The following ASIC2 variants were observed in gnomAD, a reference collection of about 807,000 sequenced individuals.
The protein encoded by ASIC2 is acid-sensing ion channel 2.
A neutral mutation model predicts 57.3 loss-of-function variants in ASIC2; 25 were observed. That is an observed-to-expected ratio of 0.44 (90% CI 0.32 to 0.61). The LOEUF (loss-of-function observed/expected upper bound fraction) is 0.61, where lower values mean the gene tolerates loss of function less well. Ranked by LOEUF, ASIC2 falls within the 20% of genes least tolerant of loss-of-function variation. ASIC2 has a pLI of 0.06. For synonymous variants in ASIC2, 319 were observed against 307.5 expected (o/e 1.04, Z -0.39); for missense variants, 641 against 738.1 (o/e 0.87, Z 1.52).
At chr17:33,495,515 A>G (rs1254858470) in intron 1 of ASIC2, among the ~76,000 whole-genome samples, 4 of 152,072 alleles carry the variant, frequency 2.6e-5, no homozygotes, top group Admixed American at 2.6e-4. Context: ...CCTTCACCCC[A>G]TCTGGCAGTA....
rs570692229 is a variant in ASIC2 at position 34,055,297 on chromosome 17, G to A, written c.555+100681C>T. Among the ~76,000 whole-genome samples, 60 of 152,102 alleles carry A rather than the reference G, an allele frequency of 3.9e-4. 1 individual carries two copies. Among genetic ancestry groups the A allele is most frequent in the African/African-American group, 3.6e-4 (15 of 41,506 alleles). ...TACAAAGTAATCCAAATAATATAAC[G>A]AACCTTCATGTGTCCATCACCCAGA... On this transcript the variant is annotated intron_variant, in intron 1 of 9. Coordinates refer to the ASIC2 transcript ENST00000359872.
intron 1 of ASIC2, among the ~76,000 whole-genome samples, chr17:33,304,800 C>T (rs1298819963): frequency 2.0e-5 from 3 of 152,074 alleles, no homozygotes; most frequent in African/African-American, 7.2e-5. Context: ...GTGGTGTTCC[C>T]TTGTGTCCTT....
chr17:33,874,370 A>G (rs1914500493), intron 1 of ASIC2, among the ~76,000 whole-genome samples: 2 of 152,262 alleles, frequency 1.3e-5, no homozygotes, highest in South Asian at 2.1e-4. Flanking sequence ...TATTTTTAGT[A>G]TAAGTATGTC....
chr17:34,120,722 C>CTTTTTTTTTTTTTTTTT (rs142959293), intron 1 of ASIC2, among the ~76,000 whole-genome samples: 2 of 94,626 alleles, frequency 2.1e-5, no homozygotes, highest in Non-Finnish European at 2.0e-5. Flanking sequence ...TGGGGTCCTT[C>CTTTTTTTTTTTTTTTTT]TTTTTTTTTT....
intron 2 of ASIC2, among the ~76,000 whole-genome samples, chr17:33,098,784 T>G (rs899826511): frequency 6.6e-6 from 1 of 152,182 alleles, no homozygotes; most frequent in East Asian, 1.9e-4. Flanking sequence ...GAACACTAGC[T>G]CTGTGTGGAA....
chr17:33,101,509 A>G (rs1207108771), intron 2 of ASIC2, among the ~76,000 whole-genome samples: 2 of 152,110 alleles, frequency 1.3e-5, no homozygotes, highest in Non-Finnish European at 2.9e-5. Flanking sequence ...ATTTACTTTC[A>G]TATTTCCATG....
Position 33,648,658 on chromosome 17 carries a change from G to A in ASIC2, c.555+507320C>T, listed in dbSNP as rs543587584. 5.3e-5 allele frequency among the ~76,000 whole-genome samples: 8 copies of A among 152,320 alleles called. No individual in the cohort carries two copies. The East Asian group carries it at 1.4e-3, about 26-fold the overall frequency. On this transcript the variant is annotated intron_variant, in intron 1 of 9. Transcript: ENST00000359872. Reference sequence around the variant, plus strand: ...TTGTGTCAAATACAATGGGGGCTGTGCCTCTGAGGTTGCAATGTGGGGGAC... The same window carrying A: ...TTGTGTCAAATACAATGGGGGCTGTACCTCTGAGGTTGCAATGTGGGGGAC...
chr17:33,066,657 C>A (rs2092044794), intron 3 of ASIC2, among the ~76,000 whole-genome samples: 1 of 152,140 alleles, frequency 6.6e-6, no homozygotes, highest in Non-Finnish European at 1.5e-5. Context: ...AGTGACTTTA[C>A]CAAGGCCACA....
At chr17:33,056,180 C>G (rs2091997280) in intron 3 of ASIC2, among the ~76,000 whole-genome samples, 1 of 152,174 alleles carries the variant, frequency 6.6e-6, no homozygotes, top group African/African-American at 2.4e-5. Flanking sequence ...TCTGGGGTAT[C>G]TTTGGATTCC....
In ASIC2 at chr17:33,911,479, A is replaced by G. The variant is rs1232233204; in HGVS notation, c.555+244499T>C. On this transcript the variant is annotated intron_variant, in intron 1 of 9. Coordinates refer to the ASIC2 transcript ENST00000359872. ...CTCTGACTGTTACCCCAGTGTTCCAAGAATCAGACTGAAGTAGGCAGGGGA... is the reference window on the plus strand; with the variant it reads ...CTCTGACTGTTACCCCAGTGTTCCAGGAATCAGACTGAAGTAGGCAGGGGA... Among the ~76,000 whole-genome samples, 3 of 152,206 alleles carry G rather than the reference A, an allele frequency of 2.0e-5. No individual in the cohort carries two copies. In the East Asian group the frequency reaches 5.8e-4, roughly 29 times the overall value.
At chr17:33,790,198 A>G (rs151319790) in intron 1 of ASIC2, among the ~76,000 whole-genome samples, 2,235 of 152,314 alleles carry the variant, frequency 0.015, 24 homozygotes, top group Middle Eastern at 0.051. Context: ...AAAATTCTTG[A>G]ATTTGTAAGA....
In ASIC2 at chr17:33,291,616, G is replaced by A; in HGVS notation, c.500C>T (p.Ala167Val). 2 of 1,608,490 alleles carry A rather than the reference G, an allele frequency of 1.2e-6. No homozygotes were observed. The highest frequency in any genetic ancestry group is 1.7e-6 in the Non-Finnish European group (2 of 1,178,106). The change falls in exon 1 of 10, where the codon GCG (alanine) becomes GTG (valine). Residue 167 changes from alanine to valine, a missense_variant. Physicochemically the swap from Ala to Val is moderately conservative, Grantham distance 64. Around this residue, in one of 3 missense-constraint regions of ASIC2, gnomAD observed 382 missense variants for 398.0 expected, o/e 0.96. Transcript: ENST00000225823. ...CAGCAGCTCGCTGACAAGCGGGCGCGCGGTGCGGTTGGGCAGCAGCAGCCC... is the reference window on the plus strand; with the variant it reads ...CAGCAGCTCGCTGACAAGCGGGCGCACGGTGCGGTTGGGCAGCAGCAGCCC... The part of the protein sequence containing the change: ...WLGLLLPNRT[A>V]RPLVSELLRG...
At chr17:33,932,741 A>AAAAATATATATAT (rs1555572867) in intron 1 of ASIC2, 2 of 58,716 alleles carry the variant, frequency 3.4e-5, no homozygotes, top group African/African-American at 6.8e-5. Flanking sequence ...AAAAAAAAAA[A>AAAAATATATATAT]ATATATATAT....
At chr17:33,461,126 C>T (rs533610105) in intron 1 of ASIC2, among the ~76,000 whole-genome samples, 10 of 152,240 alleles carry the variant, frequency 6.6e-5, no homozygotes, top group Non-Finnish European at 1.2e-4. Context: ...AACCCACTTC[C>T]ACCTGCTCCT....
chr17:33,182,008 G>C (rs180756679), intron 1 of ASIC2, among the ~76,000 whole-genome samples: 5 of 152,284 alleles, frequency 3.3e-5, no homozygotes, highest in African/African-American at 9.6e-5. Flanking sequence ...GATGGGAAAG[G>C]GATATGGGAC....
chr17:33,556,299 T>C (rs1198521019), intron 1 of ASIC2, among the ~76,000 whole-genome samples: 2 of 152,152 alleles, frequency 1.3e-5, no homozygotes, highest in Non-Finnish European at 2.9e-5. Context: ...CTGGAGTTCC[T>C]AGAGGGGCCT....
intron 1 of ASIC2, among the ~76,000 whole-genome samples, chr17:33,220,535 G>T (rs1187120494): frequency 6.6e-6 from 1 of 152,182 alleles, no homozygotes; most frequent in African/African-American, 2.4e-5. Context: ...TATAGCATCT[G>T]TATGACCTTG....
chr17:33,274,599 A>C (rs1238507083), intron 1 of ASIC2, among the ~76,000 whole-genome samples: 1 of 152,148 alleles, frequency 6.6e-6, no homozygotes, highest in Non-Finnish European at 1.5e-5. Flanking sequence ...CCTAAGAAAG[A>C]CTGCATATAT....
At chr17:33,702,687 C>A (rs1413252503) in intron 1 of ASIC2, among the ~76,000 whole-genome samples, 1 of 152,192 alleles carries the variant, frequency 6.6e-6, no homozygotes, top group Non-Finnish European at 1.5e-5. Flanking sequence ...GGACACAGAA[C>A]AAATGTCTTG....
Sources: allele counts gnomAD v4.1 joint callset (sites outside exome capture counted in the v4.1 genomes callset), GRCh38; gene constraint gnomAD v4.1.1; regional missense constraint gnomAD v4.1.1; transcripts MANE v1.5; gene names NCBI Gene and HGNC (gene_info 2026-07-23, HGNC 2026-07-21).